Variants in IL17RD observed in about 807,000 individuals in gnomAD.
IL17RD encodes interleukin 17 receptor D, also known as interleukin-17 receptor D.
Under a neutral mutation model 80.5 loss-of-function variants are expected in IL17RD, and 52 were observed. That is an observed-to-expected ratio of 0.65 (90% CI 0.52 to 0.81). IL17RD has a LOEUF of 0.81. Among genes scored for constraint, IL17RD ranks in the 40% least tolerant of loss-of-function variants. The probability of loss-of-function intolerance (pLI) is 0.00; values close to 1 mark genes in which losing one functional copy is unlikely to be tolerated. For missense variants in IL17RD, 1,024 were observed against 955.1 expected, an observed-to-expected ratio of 1.07 and a Z score of -0.95; for synonymous variants, 416 against 391.8, an observed-to-expected ratio of 1.06 and a Z score of -0.73.
At chr3:57,115,436 C>G (rs1707195513) in intron 2 of IL17RD, among the ~76,000 whole-genome samples, 1 of 152,108 alleles carries the variant, frequency 6.6e-6, no homozygotes, top group Non-Finnish European at 1.5e-5. Flanking sequence ...CCAGCAACCC[C>G]CAGTAAATCC....
intron 1 of IL17RD, among the ~76,000 whole-genome samples, chr3:57,123,437 T>C (rs1316424254): frequency 2.0e-5 from 3 of 152,320 alleles, no homozygotes; most frequent in Middle Eastern, 3.4e-3. Flanking sequence ...GAAAATGTCC[T>C]TGGGCATGCC....
chr3:57,145,414 C>T (rs1707906176), intron 1 of IL17RD, among the ~76,000 whole-genome samples: 7 of 152,162 alleles, frequency 4.6e-5, no homozygotes, highest in Admixed American at 4.6e-4. Flanking sequence ...GGGCACCCTC[C>T]ATGTACGCAA....
chr3:57,151,727 G>A (rs2060223916), intron 1 of IL17RD, among the ~76,000 whole-genome samples: 1 of 152,042 alleles, frequency 6.6e-6, no homozygotes, highest in Non-Finnish European at 1.5e-5. Flanking sequence ...CCTTCCCATT[G>A]ACTGCCAGGA....
At chr3:57,113,864 A>C (rs898436820) in intron 3 of IL17RD, among the ~76,000 whole-genome samples, 3 of 150,808 alleles carry the variant, frequency 2.0e-5, no homozygotes, top group African/African-American at 7.3e-5. Flanking sequence ...GTTCTTTTCC[A>C]TTTGGTTTTT....
intron 11 of IL17RD, among the ~76,000 whole-genome samples, chr3:57,099,416 A>G (rs566710876): frequency 6.6e-6 from 1 of 152,302 alleles, no homozygotes; most frequent in South Asian, 2.1e-4. Context: ...ACCTAATTCT[A>G]CCAGAAACAT....
At chr3:57,104,445 T>C in intron 7 of IL17RD, 38 bp from the exon 8 acceptor site, 2 of 1,442,404 alleles carry the variant, frequency 1.4e-6, no homozygotes, top group Non-Finnish European at 1.9e-6. Flanking sequence ...AACTCACTTC[T>C]TGGGCAAAGG....
chr3:57,116,890 T>TAAAAAAAAAAAA, intron 2 of IL17RD, among the ~76,000 whole-genome samples: 2 of 136,388 alleles, frequency 1.5e-5, no homozygotes, highest in African/African-American at 2.8e-5. Context: ...CCCAAAATAT[T>TAAAAAAAAAAAA]AAAAAAAAAA....
chr3:57,114,455 C>T (rs556783664), intron 3 of IL17RD, among the ~76,000 whole-genome samples: 4 of 152,300 alleles, frequency 2.6e-5, no homozygotes, highest in South Asian at 2.1e-4. Context: ...CACAATATTA[C>T]TTTTCAAGCC....
chr3:57,152,307 C>T (rs1243021330), intron 1 of IL17RD, among the ~76,000 whole-genome samples: 3 of 152,234 alleles, frequency 2.0e-5, no homozygotes, highest in Non-Finnish European at 4.4e-5. Flanking sequence ...TAAATCGCTG[C>T]TTTCTGGCCT....
intron 1 of IL17RD, among the ~76,000 whole-genome samples, chr3:57,146,749 C>CA (rs201495065): frequency 0.03 from 2,254 of 74,790 alleles, 33 homozygotes; most frequent in Middle Eastern, 0.065. Flanking sequence ...GACTGCATCT[C>CA]AAAAAAAAAA....
intron 1 of IL17RD, chr3:57,142,554 T>C (rs748532352): frequency 5.5e-6 from 7 of 1,264,414 alleles, no homozygotes; most frequent in South Asian, 2.5e-5. Flanking sequence ...TCCGGCCTCC[T>C]GGCAGGGAGA....
rs546052878 is a variant in IL17RD, at chr3:57,122,338, C to T, written c.127-2025G>A. Among the ~76,000 whole-genome samples, 15 of 152,354 alleles carry T rather than the reference C, an allele frequency of 9.8e-5. No individual in the cohort carries two copies. The East Asian group carries it at 2.1e-3, about 22-fold the overall frequency. ...GTACCTCAATCCTCCCATCCTCCAC[C>T]GGATGCCCGATGGCAAACCACTCTA... is the stretch of plus-strand genomic sequence containing the variant. On this transcript the variant is annotated intron_variant, in intron 1 of 12. Transcript: ENST00000296318.
intron 1 of IL17RD, among the ~76,000 whole-genome samples, chr3:57,124,757 C>T (rs959900555): frequency 6.6e-6 from 1 of 152,136 alleles, no homozygotes. Flanking sequence ...CAACTGAAAG[C>T]TAATATACAC....
Position 57,098,184 on chromosome 3 carries a change from G to A in IL17RD, c.1519C>T (p.Leu507Phe). 1 of 1,613,968 alleles carries A rather than the reference G, an allele frequency of 6.2e-7. No individual in the cohort carries two copies. Among genetic ancestry groups the A allele is most frequent in the East Asian group, 2.2e-5 (1 of 44,886 alleles). ...KYRLMDNLPQ[L>F]CSHLHSRDHG... ...TCTCGGGAGTGCAAGTGGGAACAGA[G>A]CTGAGGAAGATTGTCCATGAGTCTG... The change falls in exon 12 of 13, where the codon CTC (leucine) becomes TTC (phenylalanine). Residue 507 changes from leucine (L) to phenylalanine (F), a missense_variant. Transcript: ENST00000296318.
At position 57,116,504 on chromosome 3, in the gene IL17RD, C is replaced by T. The variant is rs568426309; in HGVS notation, c.185-1687G>A. Among the ~76,000 whole-genome samples, 11 of 152,030 alleles carry T rather than the reference C, an allele frequency of 7.2e-5. No individual in the cohort carries two copies. The East Asian group carries it at 1.6e-3, about 21-fold the overall frequency. ...TTCTCCATGTTGGTCAGGCTGGTCTCGAACTCCCGACCTCAGGTGATCCAC... is the reference window on the plus strand; with the variant it reads ...TTCTCCATGTTGGTCAGGCTGGTCTTGAACTCCCGACCTCAGGTGATCCAC... On this transcript the variant is annotated intron_variant, in intron 2 of 12. Transcript: ENST00000296318.
At chr3:57,102,383 T>C (rs1332975673) in intron 10 of IL17RD, 96 bp downstream of exon 10, 3 of 534,990 alleles carry the variant, frequency 5.6e-6, no homozygotes, top group Non-Finnish European at 9.5e-6. Flanking sequence ...CCAGGCGCCA[T>C]CCTGGAGGAC....
At chr3:57,163,449 A>G (rs2060320033) in intron 1 of IL17RD, among the ~76,000 whole-genome samples, 1 of 152,174 alleles carries the variant, frequency 6.6e-6, no homozygotes, top group South Asian at 2.1e-4. Flanking sequence ...CATACCCCAC[A>G]GCATGGAAAC....
intron 2 of IL17RD, among the ~76,000 whole-genome samples, chr3:57,119,337 G>A (rs1442500076): frequency 3.3e-5 from 5 of 150,454 alleles, no homozygotes; most frequent in African/African-American, 9.7e-5. Flanking sequence ...GGGCGACAGA[G>A]CGAGACTCCA....
At chr3:57,165,088 C>A in intron 1 of IL17RD, 73 bp downstream of exon 1, 3 of 1,396,612 alleles carry the variant, frequency 2.1e-6, no homozygotes, top group South Asian at 1.6e-5. Context: ...GGGCTCGCCT[C>A]CCCGCGAGCA....
Sources: gnomAD v4.1 joint callset for allele counts (sites outside exome capture counted in the v4.1 genomes callset) on GRCh38, gnomAD v4.1.1 for gene constraint, MANE v1.5 for transcripts, NCBI Gene and HGNC (gene_info 2026-07-23, HGNC 2026-07-21) for gene names.